DVL3: variants seen among roughly 807,000 people sequenced by gnomAD.
DVL3 encodes the protein dishevelled segment polarity protein 3, also known as segment polarity protein dishevelled homolog DVL-3.
Under a neutral mutation model 67.4 loss-of-function variants are expected in DVL3, and 27 were observed. The observed-to-expected ratio is 0.40, with a 90% CI of 0.30 to 0.55. The LOEUF (loss-of-function observed/expected upper bound fraction) is 0.55. Among genes scored for constraint, DVL3 ranks in the 20% least tolerant of loss-of-function variants. The pLI is 0.46. For missense variants in DVL3, 819 were observed against 1,021.5 expected (o/e 0.80, Z 2.70); for synonymous variants, 369 against 396.8 (o/e 0.93, Z 0.83).
Position 184,170,956 on chromosome 3 carries a change from G to T in DVL3, c.*201G>T, listed in dbSNP as rs1714814297. 6.5e-7 allele frequency: 1 copy of T among 1,529,346 alleles called. No individual in the cohort carries two copies. Among genetic ancestry groups the T allele is most frequent in the Non-Finnish European group, 8.8e-7 (1 of 1,140,984 alleles). The allele number at this position is 1,529,346 out of a possible 1,614,324, so 94.7% of individuals were successfully genotyped here. ...CTCTGCAGCCCCCTAACCTGCCTCT[G>T]GCCCCAGTTCGTTTCCTCTGCCCAC... is the stretch of plus-strand genomic sequence containing the variant. On this transcript the variant is annotated 3_prime_UTR_variant, in exon 15 of 15. Transcript: ENST00000313143. This position sits in a 1 kb window ranked among gnomAD's most constrained non-coding sequence, Gnocchi z 6.5.
At chr3:184,158,033 C>G (rs991690830) in intron 1 of DVL3, among the ~76,000 whole-genome samples, 2 of 152,192 alleles carry the variant, frequency 1.3e-5, no homozygotes, top group Admixed American at 1.3e-4. Context: ...AATAGTATCT[C>G]TAGTTTACAA....
intron 13 of DVL3, 46 bp downstream of exon 13, chr3:184,168,111 G>T (rs1344598108): frequency 6.3e-7 from 1 of 1,588,024 alleles, no homozygotes; most frequent in African/African-American, 1.3e-5. Flanking sequence ...GGCTGGGAGT[G>T]GGGAGGTAGC....
chr3:184,156,438 A>G (rs1714192635), intron 1 of DVL3: 1 of 456,520 alleles, frequency 2.2e-6, no homozygotes, highest in East Asian at 6.9e-5. Flanking sequence ...AGTAGTCCTC[A>G]CTGACCCAGG....
intron 13 of DVL3, among the ~76,000 whole-genome samples, chr3:184,169,389 A>G (rs1714720006): frequency 6.6e-6 from 1 of 152,226 alleles, no homozygotes; most frequent in African/African-American, 2.4e-5. Context: ...ACGGAAGAGA[A>G]AATGGCCACA....
In DVL3 at chr3:184,163,154, C is replaced by G. The variant is rs1400826291; in HGVS notation, c.162-503C>G. On this transcript the variant is annotated intron_variant, in intron 1 of 14. Transcript: ENST00000313143. This position sits in a 1 kb window ranked among gnomAD's most constrained non-coding sequence, Gnocchi z 4.5. ...CTGCCTGCCTCAGCCTCTCAAAGTT[C>G]TGGGATTACAGGTGTGAGCTATCAC... 6.6e-6 allele frequency among the ~76,000 whole-genome samples: 1 copy of G among 152,128 alleles called. No individual in the cohort carries two copies. The highest frequency in any genetic ancestry group is 2.4e-5 in the African/African-American group (1 of 41,404).
rs531582343 is a variant in DVL3 at position 184,168,025 on chromosome 3, C to T, written c.1458C>T (p.Phe486=). 1 of 1,614,280 alleles carries T rather than the reference C, an allele frequency of 6.2e-7. No individual in the cohort carries two copies. Among genetic ancestry groups the T allele is most frequent in the East Asian group, 2.2e-5 (1 of 44,890 alleles). Reference sequence around the variant, plus strand: ...GCCATACCGTCAACAAGATCACCTTCTCCGAGCAGTGCTACTACATCTTCG... The same window carrying T: ...GCCATACCGTCAACAAGATCACCTTTTCCGAGCAGTGCTACTACATCTTCG... ...FIRHTVNKIT[F]SEQCYYIFGD... The change falls in exon 13 of 15, where the codon TTC becomes TTT. Residue 486 remains phenylalanine, a synonymous_variant. Transcript: ENST00000313143.
intron 1 of DVL3, among the ~76,000 whole-genome samples, chr3:184,162,056 G>C (rs1240910419): frequency 2.0e-5 from 3 of 152,214 alleles, no homozygotes; most frequent in African/African-American, 7.2e-5. Flanking sequence ...AACCTATTGA[G>C]CCTAGTTTCC....
In DVL3 at chr3:184,164,175, C is replaced by T. The variant is rs1714477906; in HGVS notation, c.232-92C>T. 1.4e-6 allele frequency: 2 copies of T among 1,449,886 alleles called. No individual in the cohort carries two copies. The highest frequency in any genetic ancestry group is 1.9e-6 in the Non-Finnish European group (2 of 1,058,854). 89.8% of individuals were successfully genotyped at this position (1,449,886 alleles called of 1,614,324 possible). A position where few individuals can be genotyped will look rare whatever the true frequency, so the allele number is the denominator to read the frequency against. On this transcript the variant is annotated intron_variant, in intron 2 of 14. Coordinates refer to ENST00000313143, the MANE Select transcript of DVL3 (RefSeq NM_004423.4). This position sits in a 1 kb window ranked among gnomAD's most constrained non-coding sequence, Gnocchi z 5.3. ...CTCCCTCGATATTTCCTGCTTCCTT[C>T]CTCTTAGGCCTTCATGCCTTGCTGG...
In DVL3 at chr3:184,166,640, C is replaced by A; in HGVS notation, c.1015C>A (p.Pro339Thr). Residue 339 changes from proline to threonine, a missense_variant, in exon 10 of 15, where the codon CCA becomes ACA. Transcript: ENST00000313143. This position sits in a 1 kb window ranked among gnomAD's most constrained non-coding sequence, Gnocchi z 6.7. ...ITLTVAKCWD[P>T]SPRGCFTLPR... ...CCTGACTGTAGCCAAGTGCTGGGAC[C>A]CAAGTCCACGTGGTTGCTTCACATT... 6.2e-7 allele frequency: 1 copy of A among 1,614,162 alleles called. No homozygotes were observed. The highest frequency in any genetic ancestry group is 2.2e-5 in the East Asian group (1 of 44,880).
Position 184,172,637 on chromosome 3 carries a change from G to C in DVL3, c.*1882G>C, listed in dbSNP as rs1714884693. ...TAATCTCAGCTACTCAGGAGGCTGA[G>C]GCACAAGAATCGCTTGAATCCAGGA... On this transcript the variant is annotated 3_prime_UTR_variant, in exon 15 of 15. Coordinates refer to ENST00000313143, the MANE Select transcript of DVL3 (RefSeq NM_004423.4). 6.6e-6 allele frequency: 1 copy of C among 152,218 alleles called. No individual in the cohort carries two copies. The highest frequency in any genetic ancestry group is 2.4e-5 in the African/African-American group (1 of 41,446). The allele number at this position is 152,218 out of a possible 1,614,324, so 9.4% of individuals were successfully genotyped here.
rs191485714 is a variant in DVL3 at position 184,172,125 on chromosome 3, A to T, written c.*1370A>T. ...GCCTTGCAACCGACAGGCCATTCCC[A>T]CCCCCACACACAACCTCCCCTGTTT... On this transcript the variant is annotated 3_prime_UTR_variant, in exon 15 of 15. Coordinates refer to ENST00000313143, the MANE Select transcript of DVL3 (RefSeq NM_004423.4). 1.0e-3 allele frequency: 159 copies of T among 151,886 alleles called. No individual in the cohort carries two copies. The highest frequency in any genetic ancestry group is 3.4e-3 in the Middle Eastern group (1 of 294). The allele number at this position is 151,886 out of a possible 1,614,324, so 9.4% of individuals were successfully genotyped here.
chr3:184,159,602 G>A (rs141001203), intron 1 of DVL3, among the ~76,000 whole-genome samples: 16,403 of 83,054 alleles, frequency 0.2, 4,521 homozygotes, highest in Non-Finnish European at 0.22. Context: ...GACCTCAAGT[G>A]ATCCGCCCAC....
chr3:184,164,981 C>G lies in DVL3; in HGVS notation c.599+50C>G, dbSNP rs373951906. 3.1e-6 allele frequency: 5 copies of G among 1,612,200 alleles called. No homozygotes were observed. Among genetic ancestry groups the G allele is most frequent in the Non-Finnish European group, 4.2e-6 (5 of 1,179,028 alleles). On this transcript the variant is annotated intron_variant, in intron 5 of 14. Coordinates refer to ENST00000313143, the MANE Select transcript of DVL3 (RefSeq NM_004423.4). This position sits in a 1 kb window ranked among gnomAD's most constrained non-coding sequence, Gnocchi z 5.3. ...TGTGGGGCAGGTGACCCTGGAGGAG[C>G]CCTAAACCCTGAGGATGCGGGGCCC...
Position 184,166,641 on chromosome 3 carries a change from C to G in DVL3, c.1016C>G (p.Pro339Arg). The change falls in exon 10 of 15, where the codon CCA becomes CGA. Residue 339 changes from proline to arginine, a missense_variant. Physicochemically the swap from Pro to Arg is moderately radical, Grantham distance 103. This residue lies in a region of DVL3 where 385 missense variants were observed against 486.8 expected (regional missense o/e 0.79). Transcript: ENST00000313143. The surrounding 1 kb of genome is among the most constrained non-coding windows in gnomAD (Gnocchi z 6.7). ...ITLTVAKCWD[P>R]SPRGCFTLPR... ...CTGACTGTAGCCAAGTGCTGGGACCCAAGTCCACGTGGTTGCTTCACATTG... is the reference window on the plus strand; with the variant it reads ...CTGACTGTAGCCAAGTGCTGGGACCGAAGTCCACGTGGTTGCTTCACATTG... 6.2e-7 allele frequency: 1 copy of G among 1,614,148 alleles called. No individual in the cohort carries two copies. Among genetic ancestry groups the G allele is most frequent in the Non-Finnish European group, 8.5e-7 (1 of 1,180,006 alleles).
chr3:184,169,149 G>A lies in DVL3; in HGVS notation c.1499-857G>A, dbSNP rs1271939259. On this transcript the variant is annotated intron_variant, in intron 13 of 14. Coordinates refer to ENST00000313143, the MANE Select transcript of DVL3 (RefSeq NM_004423.4). ...GTGGGTATTTAGTTCTAGGTGAAGGGGTGGGTAACACTTTACCTAAATTTC... is the reference window on the plus strand; with the variant it reads ...GTGGGTATTTAGTTCTAGGTGAAGGAGTGGGTAACACTTTACCTAAATTTC... Among the ~76,000 whole-genome samples, 3 of 152,140 alleles carry A rather than the reference G, an allele frequency of 2.0e-5. No homozygotes were observed. The East Asian group carries it at 5.8e-4, about 29-fold the overall frequency.
At chr3:184,157,844 T>C (rs1051686296) in intron 1 of DVL3, among the ~76,000 whole-genome samples, 1 of 152,186 alleles carries the variant, frequency 6.6e-6, no homozygotes, top group African/African-American at 2.4e-5. Context: ...GAAGGATAAA[T>C]GAGCAGGGGA....
rs762913408 is a variant in DVL3 at position 184,166,313 on chromosome 3, T to C, written c.903+48T>C. ...GTGGTGTGGATAGAGGGCAGGGAGG[T>C]GTCCTACCATCTGTACCCTGCTCCT... On this transcript the variant is annotated intron_variant, in intron 8 of 14. Transcript: ENST00000313143. The surrounding 1 kb of genome is among the most constrained non-coding windows in gnomAD (Gnocchi z 6.7). The C allele has an allele frequency of 1.2e-6, 2 of 1,605,138 alleles. No homozygotes were observed. Among genetic ancestry groups the C allele is most frequent in the Non-Finnish European group, 1.7e-6 (2 of 1,174,940 alleles).
chr3:184,164,230 C>T lies in DVL3; in HGVS notation c.232-37C>T. The stretch of plus-strand genomic sequence containing the variant: ...GAACTATCCCCTTCTCCTTGATGCT[C>T]CTGTAACATACTACTCACTCAGTTT... On this transcript the variant is annotated intron_variant, in intron 2 of 14. Transcript: ENST00000313143. The surrounding 1 kb of genome is among the most constrained non-coding windows in gnomAD (Gnocchi z 5.3). The T allele has an allele frequency of 6.2e-7, 1 of 1,608,540 alleles. No homozygotes were observed. Among genetic ancestry groups the T allele is most frequent in the Non-Finnish European group, 8.5e-7 (1 of 1,177,252 alleles).
chr3:184,171,006 G>A lies in DVL3; in HGVS notation c.*251G>A. ...CTAATCCCTGCGCAGGACTTCCCAG[G>A]ACCCCTTTTGTCTCTGGGACCAGAC... On this transcript the variant is annotated 3_prime_UTR_variant, in exon 15 of 15. Coordinates refer to ENST00000313143, the MANE Select transcript of DVL3 (RefSeq NM_004423.4). 6.9e-7 allele frequency: 1 copy of A among 1,453,530 alleles called. No homozygotes were observed. The highest frequency in any genetic ancestry group is 2.3e-5 in the Admixed American group (1 of 44,062). The allele number at this position is 1,453,530 out of a possible 1,614,324, so 90.0% of individuals were successfully genotyped here. A position where few individuals can be genotyped will look rare whatever the true frequency, so the allele number is the denominator to read the frequency against.
Sources: allele counts gnomAD v4.1 joint callset (sites outside exome capture counted in the v4.1 genomes callset), GRCh38; gene constraint gnomAD v4.1.1; regional missense constraint gnomAD v4.1.1; non-coding constraint Gnocchi (gnomAD v3.1); transcripts MANE v1.5; gene names NCBI Gene and HGNC (gene_info 2026-07-23, HGNC 2026-07-21).